The following MPP7 variants were observed in gnomAD, a reference collection of about 807,000 sequenced individuals.
MPP7 encodes MAGUK p55 scaffold protein 7.
A neutral mutation model predicts 76.5 loss-of-function variants in MPP7; 60 were observed. The ratio of observed to expected loss-of-function variants is 0.78; its 90% confidence interval spans 0.64 to 0.97. MPP7 has a LOEUF of 0.97. Ranked by LOEUF, MPP7 falls within the 50% of genes least tolerant of loss-of-function variation. The pLI, the probability that MPP7 is intolerant of heterozygous loss-of-function variation, is 0.00. For synonymous variants in MPP7, 237 were observed against 244.5 expected, an observed-to-expected ratio of 0.97 and a Z score of 0.29; for missense variants, 641 against 694.0, an observed-to-expected ratio of 0.92 and a Z score of 0.86.
At chr10:28,221,738 G>A (rs1179796973) in intron 2 of MPP7, among the ~76,000 whole-genome samples, 2 of 152,138 alleles carry the variant, frequency 1.3e-5, no homozygotes, top group South Asian at 4.1e-4. Flanking sequence ...TATACCTTAG[G>A]TAGTCTGTGC....
intron 11 of MPP7, among the ~76,000 whole-genome samples, chr10:28,107,223 T>C (rs1419982632): frequency 6.6e-6 from 1 of 152,132 alleles, no homozygotes; most frequent in African/African-American, 2.4e-5. Context: ...CCATGCTACC[T>C]GGAATTACAG....
intron 5 of MPP7, among the ~76,000 whole-genome samples, chr10:28,143,909 G>T (rs1327148839): frequency 6.9e-6 from 1 of 145,848 alleles, no homozygotes; most frequent in African/African-American, 2.5e-5. Context: ...GTGTGAGACT[G>T]AGTTTCACTC....
intron 12 of MPP7, among the ~76,000 whole-genome samples, chr10:28,074,270 C>G (rs1852378166): frequency 6.6e-6 from 1 of 151,938 alleles, no homozygotes; most frequent in Admixed American, 6.6e-5. Context: ...GCATCTAGAT[C>G]CACCTAGAGC....
At chr10:28,161,328 A>C (rs900815298) in intron 3 of MPP7, among the ~76,000 whole-genome samples, 3 of 152,200 alleles carry the variant, frequency 2.0e-5, no homozygotes, top group Non-Finnish European at 2.9e-5. Context: ...ATGTCCAAAA[A>C]ACAGCGTTCC....
chr10:28,200,410 T>C (rs1837731701), intron 3 of MPP7, among the ~76,000 whole-genome samples: 1 of 152,224 alleles, frequency 6.6e-6, no homozygotes, highest in Non-Finnish European at 1.5e-5. Flanking sequence ...TATTGTGCTA[T>C]CTAAATACTA....
At chr10:28,309,513 A>G (rs1841277305) in intron 2 of MPP7, among the ~76,000 whole-genome samples, 1 of 151,944 alleles carries the variant, frequency 6.6e-6, no homozygotes, top group Non-Finnish European at 1.5e-5. Flanking sequence ...CAAGAAGGCT[A>G]CTTTTTCCCT....
intron 3 of MPP7, among the ~76,000 whole-genome samples, chr10:28,166,003 C>G (rs1294363376): frequency 9.3e-6 from 1 of 107,344 alleles, no homozygotes; most frequent in African/African-American, 3.6e-5. Flanking sequence ...CCAGCCTGGG[C>G]AATAGAGCAA....
intron 5 of MPP7, among the ~76,000 whole-genome samples, chr10:28,144,081 GT>G (rs1835624602): frequency 6.6e-6 from 1 of 152,096 alleles, no homozygotes. Context: ...TAGAGATGGG[GT>G]TTCACCATGT....
chr10:28,146,383 C>G (rs1231209153), intron 5 of MPP7, among the ~76,000 whole-genome samples: 2 of 148,720 alleles, frequency 1.3e-5, no homozygotes, highest in Non-Finnish European at 3.0e-5. Context: ...ATAGTCCACG[C>G]ATGTTTTTTT....
At chr10:28,097,380 T>C (rs549674387) in intron 11 of MPP7, among the ~76,000 whole-genome samples, 1 of 152,282 alleles carries the variant, frequency 6.6e-6, no homozygotes, top group East Asian at 1.9e-4. Flanking sequence ...TGGTTGATAT[T>C]TGTCGGGCAC....
rs1353536795 is a variant in MPP7 at position 28,310,034 on chromosome 10, C to G, written c.-132+19895G>C. On this transcript the variant is annotated intron_variant, in intron 2 of 11. Coordinates refer to the MPP7 transcript ENST00000441595. ...TTTTTTTTTTTTAAACGGAGTCTTG[C>G]TCTGTCACCCAGGCTGGAGTGCAGT... Among the ~76,000 whole-genome samples, 3 of 139,010 alleles carry G rather than the reference C, an allele frequency of 2.2e-5. No individual in the cohort carries two copies. In the Admixed American group the frequency reaches 2.2e-4, roughly 10 times the overall value. The allele number at this position is 139,010 out of a possible 152,430, so 91.2% of individuals were successfully genotyped here.
chr10:28,167,296 G>A (rs1836509393), intron 3 of MPP7, among the ~76,000 whole-genome samples: 1 of 141,186 alleles, frequency 7.1e-6, no homozygotes, highest in South Asian at 2.4e-4. Flanking sequence ...GGGCAACAGA[G>A]TGAGGCTCTG....
At chr10:28,306,937 A>G (rs906686552), upstream of MPP7, among the ~76,000 whole-genome samples, 1 of 152,130 alleles carries the variant, frequency 6.6e-6, no homozygotes, top group Non-Finnish European at 1.5e-5. Flanking sequence ...CCTGGCTCCT[A>G]TGTCCCAGTG....
intron 7 of MPP7, 66 bp downstream of exon 7, chr10:28,124,944 T>A (rs1420110557): frequency 1.6e-6 from 2 of 1,287,890 alleles, no homozygotes; most frequent in African/African-American, 2.9e-5. Flanking sequence ...CTCTTAGTTA[T>A]CTACTGGAAA....
At chr10:28,060,288 C>T (rs2133328469) in intron 13 of MPP7, among the ~76,000 whole-genome samples, 1 of 152,298 alleles carries the variant, frequency 6.6e-6, no homozygotes, top group Non-Finnish European at 1.5e-5. Context: ...TCTTAGAATA[C>T]TATTGAACTT....
At chr10:28,158,203 G>A (rs1836134526) in intron 3 of MPP7, among the ~76,000 whole-genome samples, 1 of 152,108 alleles carries the variant, frequency 6.6e-6, no homozygotes, top group Non-Finnish European at 1.5e-5. Flanking sequence ...GGAAAAAGAA[G>A]TGTTAAGTCT....
intron 2 of MPP7, among the ~76,000 whole-genome samples, chr10:28,230,226 T>C (rs576981925): frequency 3.3e-5 from 5 of 151,852 alleles, no homozygotes; most frequent in Non-Finnish European, 4.4e-5. Flanking sequence ...AAAGAAAGAA[T>C]AGGACAAAGA....
intron 1 of MPP7, among the ~76,000 whole-genome samples, chr10:28,263,104 T>A (rs879173791): frequency 6.6e-6 from 1 of 152,036 alleles, no homozygotes; most frequent in Admixed American, 6.6e-5. Flanking sequence ...AAAAGAAACA[T>A]AATGAGTCTA....
intron 2 of MPP7, among the ~76,000 whole-genome samples, chr10:28,227,504 C>G (rs1838735080): frequency 6.6e-6 from 1 of 151,584 alleles, no homozygotes; most frequent in Non-Finnish European, 1.5e-5. Flanking sequence ...GTGTGATGTT[C>G]CCCTCCTTGT....
Sources: allele counts gnomAD v4.1 joint callset (sites outside exome capture counted in the v4.1 genomes callset), GRCh38; gene constraint gnomAD v4.1.1; transcripts MANE v1.5; gene names NCBI Gene and HGNC (gene_info 2026-07-23, HGNC 2026-07-21).